TENM4: variants seen among roughly 807,000 people sequenced by gnomAD.
The protein encoded by TENM4 is teneurin transmembrane protein 4, also known as teneurin-4.
In TENM4, 82 loss-of-function variants were observed where a neutral mutation model predicts 243.3. That is an observed-to-expected ratio of 0.34 (90% CI 0.28 to 0.40). The LOEUF (loss-of-function observed/expected upper bound fraction) is 0.40, where lower values mean the gene tolerates loss of function less well. Among genes scored for constraint, TENM4 ranks in the 10% least tolerant of loss-of-function variants. The pLI is 1.00. For synonymous variants in TENM4, 1,412 were observed against 1,456.3 expected (o/e 0.97, Z 0.69); for missense variants, 3,138 against 3,673.3 (o/e 0.85, Z 3.77).
At chr11:79,362,381 C>A (rs771230902) in intron 1 of TENM4, among the ~76,000 whole-genome samples, 2 of 152,102 alleles carry the variant, frequency 1.3e-5, no homozygotes, top group African/African-American at 2.4e-5. Flanking sequence ...ACTGTATACA[C>A]GGAAATAGGA....
chr11:79,164,889 C>T (rs560719291), intron 3 of TENM4, among the ~76,000 whole-genome samples: 21 of 151,582 alleles, frequency 1.4e-4, no homozygotes, highest in African/African-American at 4.8e-4. Flanking sequence ...TCCAAGTAAA[C>T]TCTTTTTGTT....
intron 9 of TENM4, among the ~76,000 whole-genome samples, chr11:78,870,222 T>G (rs534628893): frequency 6.6e-6 from 1 of 152,236 alleles, no homozygotes; most frequent in African/African-American, 2.4e-5. Flanking sequence ...TAAATGGCAG[T>G]TGTATCATCA....
At chr11:78,970,693 C>A (rs1857524216) in intron 6 of TENM4, among the ~76,000 whole-genome samples, 1 of 152,128 alleles carries the variant, frequency 6.6e-6, no homozygotes, top group Admixed American at 6.5e-5. Flanking sequence ...TATGGTCCAA[C>A]AAAAGACAGC....
intron 4 of TENM4, among the ~76,000 whole-genome samples, chr11:79,129,968 C>T (rs759883948): frequency 6.6e-6 from 1 of 152,126 alleles, no homozygotes; most frequent in African/African-American, 2.4e-5. Flanking sequence ...AGCTAAGAAC[C>T]CTCACAGAGT....
At chr11:79,295,086 C>G (rs1169740936) in intron 2 of TENM4, among the ~76,000 whole-genome samples, 1 of 152,138 alleles carries the variant, frequency 6.6e-6, no homozygotes, top group Non-Finnish European at 1.5e-5. Flanking sequence ...CAGAGGTACT[C>G]CTGCTCAGAA....
Position 78,670,161 on chromosome 11 carries a change from G to A in TENM4, c.6184C>T (p.Pro2062Ser). 6.8e-6 allele frequency: 11 copies of A among 1,613,936 alleles called. No individual in the cohort carries two copies. The highest frequency in any genetic ancestry group is 9.3e-6 in the Non-Finnish European group (11 of 1,179,884). Residue 2062 changes from proline (P) to serine (S), a missense_variant, in exon 32 of 34, where the codon CCC becomes TCC. By Grantham distance (74) the Pro-to-Ser change is moderately conservative. Around this residue, in one of 2 missense-constraint regions of TENM4, gnomAD observed 2,467 missense variants for 3,059.1 expected, o/e 0.81. Coordinates refer to ENST00000278550, the MANE Select transcript of TENM4 (RefSeq NM_001098816.3). Reference protein sequence around the residue: ...TCTIRYRQIGPLIDRQIFRFT... With the variant: ...TCTIRYRQIGSLIDRQIFRFT... ...CGGAAGATCTGTCGGTCAATCAGGG[G>A]CCCAATCTGACGGTAGCGGATGGTG...
Position 79,064,993 on chromosome 11 carries a change from G to T in TENM4, c.238C>A (p.Leu80Met), listed in dbSNP as rs1860206945. Residue 80 changes from leucine (L) to methionine (M), a missense_variant, in exon 6 of 34, where the codon CTG (leucine) becomes ATG (methionine). Physicochemically the swap from Leu to Met is conservative, Grantham distance 15. Transcript: ENST00000278550. ...ACTTCTTCCAGCCCCAGCTCCCGCA[G>T]GGTGAAGTTGGCACCTGGGAGGAAA... Reference protein sequence around the residue: ...EFCRTGANFTLRELGLEEVTP... With the variant: ...EFCRTGANFTMRELGLEEVTP... 2 of 1,459,950 alleles carry T rather than the reference G, an allele frequency of 1.4e-6. No individual in the cohort carries two copies. The highest frequency in any genetic ancestry group is 2.9e-5 in the South Asian group (2 of 69,236). The allele number at this position is 1,459,950 out of a possible 1,614,324, so 90.4% of individuals were successfully genotyped here.
intron 1 of TENM4, among the ~76,000 whole-genome samples, chr11:79,330,708 A>G (rs527297085): frequency 1.3e-5 from 2 of 152,294 alleles, no homozygotes; most frequent in Admixed American, 1.3e-4. Flanking sequence ...TAACCCTGTG[A>G]AATTTTACTA....
At chr11:78,960,917 G>A (rs1294885633) in intron 6 of TENM4, among the ~76,000 whole-genome samples, 2 of 152,088 alleles carry the variant, frequency 1.3e-5, no homozygotes, top group Admixed American at 6.5e-5. Flanking sequence ...ATGACTAACA[G>A]TTACCACACT....
At position 78,812,220 on chromosome 11, in the gene TENM4, G is replaced by A; in HGVS notation, c.1880C>T (p.Thr627Ile). The stretch of plus-strand genomic sequence containing the variant: ...GCAGGCCACATCGATACACTGGTTG[G>A]TGGGCACATCGCACTCAGCGCCTTT... Reference protein sequence around the residue: ...GWKGAECDVPTNQCIDVACSN... With the variant: ...GWKGAECDVPINQCIDVACSN... Residue 627 changes from threonine (T) to isoleucine (I), a missense_variant, in exon 14 of 34, where the codon ACC (threonine) becomes ATC (isoleucine). By Grantham distance (89) the Thr-to-Ile change is moderately conservative. This residue lies in a region of TENM4 where 2,467 missense variants were observed against 3,059.1 expected (regional missense o/e 0.81). Transcript: ENST00000278550. 6.4e-7 allele frequency: 1 copy of A among 1,551,942 alleles called. No individual in the cohort carries two copies. Among genetic ancestry groups the A allele is most frequent in the South Asian group, 1.2e-5 (1 of 84,062 alleles).
intron 3 of TENM4, among the ~76,000 whole-genome samples, chr11:79,192,071 C>T (rs1431262323): frequency 6.7e-6 from 1 of 148,314 alleles, no homozygotes; most frequent in Non-Finnish European, 1.5e-5. Context: ...CCCAGCCAGC[C>T]GTCCCGTCCG....
intron 4 of TENM4, among the ~76,000 whole-genome samples, chr11:79,119,849 C>T (rs17827957): frequency 0.017 from 2,603 of 152,318 alleles, 46 homozygotes; most frequent in Middle Eastern, 0.027. Context: ...TAAACTAGAG[C>T]TTGATGACTT....
At chr11:79,037,034 A>AG in intron 6 of TENM4, among the ~76,000 whole-genome samples, 3 of 90,864 alleles carry the variant, frequency 3.3e-5, no homozygotes, top group African/African-American at 6.2e-5. Context: ...AAAAAAAAAA[A>AG]AAAAAAAAAA....
intron 28 of TENM4, among the ~76,000 whole-genome samples, chr11:78,695,920 G>C (rs1858949227): frequency 6.6e-6 from 1 of 151,170 alleles, no homozygotes; most frequent in Non-Finnish European, 1.5e-5. Context: ...TCTGTGGTTT[G>C]GTGTCCATTA....
chr11:79,006,491 A>G (rs1449890513), intron 6 of TENM4, among the ~76,000 whole-genome samples: 1 of 152,194 alleles, frequency 6.6e-6, no homozygotes, highest in East Asian at 1.9e-4. Flanking sequence ...GTATCACACA[A>G]GGCATTTTAA....
At chr11:79,409,200 GAAAA>G (rs201108563) in intron 1 of TENM4, among the ~76,000 whole-genome samples, 1 of 130,750 alleles carries the variant, frequency 7.6e-6, no homozygotes, top group Non-Finnish European at 1.6e-5. Context: ...TTCTCTTCCA[GAAAA>G]AAAAAAAAAG....
Position 78,738,466 on chromosome 11 carries a change from C to T in TENM4, c.2861G>A (p.Ser954Asn), listed in dbSNP as rs1347930918. Residue 954 changes from serine (S) to asparagine (N), a missense_variant, in exon 20 of 34, where the codon AGC becomes AAC. By Grantham distance (46) the Ser-to-Asn change is conservative. This residue lies in a region of TENM4 where 2,467 missense variants were observed against 3,059.1 expected (regional missense o/e 0.81). Transcript: ENST00000278550. Reference protein sequence around the residue: ...VNNPLFGYTISRQDGSFDLVT... With the variant: ...VNNPLFGYTINRQDGSFDLVT... ...GGTCTCCTACCTGCCATCTTGCCTG[C>T]TGATTGTATATCCAAAGAGAGGGTT... is the stretch of plus-strand genomic sequence containing the variant. 1.2e-6 allele frequency: 2 copies of T among 1,613,798 alleles called. No individual in the cohort carries two copies. Among genetic ancestry groups the T allele is most frequent in the African/African-American group, 1.3e-5 (1 of 75,048 alleles).
intron 4 of TENM4, among the ~76,000 whole-genome samples, chr11:79,084,556 C>T (rs1033068724): frequency 4.6e-5 from 7 of 152,156 alleles, no homozygotes; most frequent in Admixed American, 1.3e-4. Flanking sequence ...CTAATGCTAC[C>T]AATAAATCAC....
chr11:79,225,955 C>A (rs1864256275), intron 2 of TENM4, among the ~76,000 whole-genome samples: 8 of 152,176 alleles, frequency 5.3e-5, no homozygotes, highest in Admixed American at 5.2e-4. Context: ...AGACCGGTAG[C>A]TGATGGACAA....
Sources: allele counts gnomAD v4.1 joint callset (sites outside exome capture counted in the v4.1 genomes callset), GRCh38; gene constraint gnomAD v4.1.1; regional missense constraint gnomAD v4.1.1; transcripts MANE v1.5; gene names NCBI Gene and HGNC (gene_info 2026-07-23, HGNC 2026-07-21).